Variants in AGO2 observed in about 807,000 individuals in gnomAD.
AGO2 encodes protein argonaute-2.
In AGO2, 5 loss-of-function variants were observed where a neutral mutation model predicts 102.3. The observed-to-expected ratio is 0.05, with a 90% CI of 0.03 to 0.10. The LOEUF is 0.10. Ranked by LOEUF, AGO2 falls within the 10% of genes least tolerant of loss-of-function variation. The pLI is 1.00. For synonymous variants in AGO2, 449 were observed against 473.1 expected, an observed-to-expected ratio of 0.95 and a Z score of 0.66; for missense variants, 541 against 1,183.7, an observed-to-expected ratio of 0.46 and a Z score of 7.97.
chr8:140,571,112 G>A (rs567902718), intron 3 of AGO2, among the ~76,000 whole-genome samples: 1 of 152,186 alleles, frequency 6.6e-6, no homozygotes, highest in South Asian at 2.1e-4. Context: ...TTTGGTCTAG[G>A]ACTTGCTCCT....
intron 1 of AGO2, among the ~76,000 whole-genome samples, chr8:140,634,392 T>A (rs891238303): frequency 1.3e-5 from 2 of 152,202 alleles, no homozygotes; most frequent in Non-Finnish European, 2.9e-5. Context: ...CGGGTAAACA[T>A]AAGCCCAGAG....
At chr8:140,610,758 C>A (rs2074065301) in intron 1 of AGO2, among the ~76,000 whole-genome samples, 1 of 152,168 alleles carries the variant, frequency 6.6e-6, no homozygotes, top group Non-Finnish European at 1.5e-5. Context: ...CCCTGTCCTG[C>A]CCATGGCCAA....
chr8:140,573,345 AT>A (rs908118086), intron 2 of AGO2, among the ~76,000 whole-genome samples: 5,903 of 139,888 alleles, frequency 0.042, 200 homozygotes, highest in African/African-American at 0.1. Context: ...AATTTTTTGT[AT>A]TTTTTTTTTT....
chr8:140,600,790 C>T (rs565474785), intron 1 of AGO2, among the ~76,000 whole-genome samples: 24 of 152,202 alleles, frequency 1.6e-4, no homozygotes, highest in African/African-American at 5.3e-4. Flanking sequence ...CGTCCTATGT[C>T]CCCTCTCTCT....
At chr8:140,620,884 A>G (rs778959400) in intron 1 of AGO2, among the ~76,000 whole-genome samples, 13 of 152,138 alleles carry the variant, frequency 8.5e-5, no homozygotes, top group Non-Finnish European at 1.8e-4. Flanking sequence ...ATTTTTCTCA[A>G]AGTTTGCAAA....
chr8:140,631,349 T>C (rs1588521556), intron 1 of AGO2, among the ~76,000 whole-genome samples: 1 of 151,926 alleles, frequency 6.6e-6, no homozygotes, highest in East Asian at 1.9e-4. Flanking sequence ...TGAGACCAGC[T>C]TGGCCAACAT....
At chr8:140,619,660 C>A (rs975332382) in intron 1 of AGO2, among the ~76,000 whole-genome samples, 2 of 152,216 alleles carry the variant, frequency 1.3e-5, no homozygotes, top group African/African-American at 4.8e-5. Context: ...AAGAGCCACA[C>A]ACATGAGGGC....
At chr8:140,577,625 C>T (rs577740799) in intron 2 of AGO2, among the ~76,000 whole-genome samples, 47 of 152,282 alleles carry the variant, frequency 3.1e-4, no homozygotes, top group Non-Finnish European at 5.7e-4. Flanking sequence ...GAGGCCATGG[C>T]GCTGGGGCAG....
intron 1 of AGO2, among the ~76,000 whole-genome samples, chr8:140,610,289 T>C (rs1242131176): frequency 1.3e-5 from 2 of 151,978 alleles, no homozygotes; most frequent in African/African-American, 4.8e-5. Flanking sequence ...AACACAATCT[T>C]GGCTCACTGC....
chr8:140,595,585 G>A (rs1443607222), intron 1 of AGO2, among the ~76,000 whole-genome samples: 3 of 138,202 alleles, frequency 2.2e-5, no homozygotes, highest in African/African-American at 8.1e-5. Context: ...GGGACTACAG[G>A]CGTGTGCCAT....
chr8:140,559,729 C>T (rs762763694), intron 5 of AGO2, among the ~76,000 whole-genome samples, 200 bp from the exon 6 acceptor site: 4 of 152,108 alleles, frequency 2.6e-5, no homozygotes, highest in Admixed American at 1.3e-4. Context: ...CTGCTGGCCT[C>T]CCTCTGGTCA....
chr8:140,557,036 T>C lies in AGO2; in HGVS notation c.1026+53A>G. 2 of 1,570,974 alleles carry C rather than the reference T, an allele frequency of 1.3e-6. No homozygotes were observed. Among genetic ancestry groups the C allele is most frequent in the Non-Finnish European group, 1.7e-6 (2 of 1,156,528 alleles). On this transcript the variant is annotated intron_variant, in intron 8 of 18. Coordinates refer to ENST00000220592, the MANE Select transcript of AGO2 (RefSeq NM_012154.5). This position sits in a 1 kb window ranked among gnomAD's most constrained non-coding sequence, Gnocchi z 5.9. ...TTTCTCGAAGCTGCATGCCCCAGCC[T>C]GGGACGCCGCCCTCCCAAGCCCCCA...
At chr8:140,551,934 GATGGATGA>G (rs928483967) in intron 10 of AGO2, among the ~76,000 whole-genome samples, 7 of 152,292 alleles carry the variant, frequency 4.6e-5, no homozygotes, top group South Asian at 2.1e-4. Flanking sequence ...GAGATGGAGA[GATGGATGA>G]ATGGATGAAT....
intron 2 of AGO2, among the ~76,000 whole-genome samples, chr8:140,580,231 G>A (rs1426745686): frequency 6.6e-6 from 1 of 152,278 alleles, no homozygotes; most frequent in African/African-American, 2.4e-5. Flanking sequence ...GCAGCCCCGG[G>A]AAAGGGGTGG....
intron 1 of AGO2, chr8:140,592,657 T>G (rs1205469509): frequency 2.0e-5 from 3 of 152,220 alleles, no homozygotes; most frequent in Non-Finnish European, 4.4e-5. Flanking sequence ...TTTGTTTATT[T>G]TATATTTTAT....
chr8:140,533,806 A>G (rs1039825631), intron 17 of AGO2, among the ~76,000 whole-genome samples: 1 of 144,748 alleles, frequency 6.9e-6, no homozygotes, highest in African/African-American at 2.5e-5. Context: ...GACTCCGTCT[A>G]AAAAAAAAAA....
chr8:140,535,322 G>T, intron 17 of AGO2, 146 bp downstream of exon 17: 1 of 751,920 alleles, frequency 1.3e-6, no homozygotes, highest in Non-Finnish European at 2.2e-6. Flanking sequence ...GCCTGGCACA[G>T]CCTGGGCTCC....
At position 140,557,145 on chromosome 8, in the gene AGO2, G is replaced by A; in HGVS notation, c.970C>T (p.His324Tyr). 6.2e-7 allele frequency: 1 copy of A among 1,614,150 alleles called. No homozygotes were observed. Among genetic ancestry groups the A allele is most frequent in the Non-Finnish European group, 8.5e-7 (1 of 1,180,000 alleles). The change falls in exon 8 of 19, where the codon CAC (histidine) becomes TAC (tyrosine). Residue 324 changes from histidine (H) to tyrosine (Y), a missense_variant. Physicochemically the swap from His to Tyr is moderately conservative, Grantham distance 83. Around this residue, in one of 6 missense-constraint regions of AGO2, gnomAD observed 38 missense variants for 68.1 expected, o/e 0.56. Coordinates refer to ENST00000220592, the MANE Select transcript of AGO2 (RefSeq NM_012154.5). The surrounding 1 kb of genome is among the most constrained non-coding windows in gnomAD (Gnocchi z 5.9). ...TGTCCGACTTGTAAACATGGGAGGT[G>A]GGGGTAGCGCAGAACCAACTTGTGC... ...DRHKLVLRYP[H>Y]LPCLQVGQEQ...
At position 140,610,231 on chromosome 8, in the gene AGO2, C is replaced by G. The variant is rs141952665; in HGVS notation, c.23-24920G>C. 3.0e-4 allele frequency among the ~76,000 whole-genome samples: 45 copies of G among 151,944 alleles called. 1 individual carries two copies. The East Asian group carries it at 8.7e-3, about 29-fold the overall frequency. ...GAAACAAAAACAAACACCCCCAAAA[C>G]CAAAAACCAAAGACAGACGGCAAAG... is the stretch of plus-strand genomic sequence containing the variant. On this transcript the variant is annotated intron_variant, in intron 1 of 18. Coordinates refer to ENST00000220592, the MANE Select transcript of AGO2 (RefSeq NM_012154.5).
Sources: gnomAD v4.1 joint callset for allele counts (sites outside exome capture counted in the v4.1 genomes callset) on GRCh38, gnomAD v4.1.1 for gene constraint, gnomAD v4.1.1 regional missense constraint, Gnocchi (gnomAD v3.1) non-coding constraint, MANE v1.5 for transcripts, NCBI Gene and HGNC (gene_info 2026-07-23, HGNC 2026-07-21) for gene names.